The following SUPT16H variants were observed in gnomAD, a reference collection of about 807,000 sequenced individuals.
SUPT16H encodes the protein FACT complex subunit SPT16.
A neutral mutation model predicts 136.2 loss-of-function variants in SUPT16H; 24 were observed. The observed-to-expected ratio is 0.18, with a 90% CI of 0.13 to 0.25. The LOEUF is 0.25. Ranked by LOEUF, SUPT16H falls within the 10% of genes least tolerant of loss-of-function variation. The probability of loss-of-function intolerance (pLI) is 1.00; values close to 1 mark genes in which losing one functional copy is unlikely to be tolerated. For missense variants in SUPT16H, 623 were observed against 1,270.2 expected, an observed-to-expected ratio of 0.49 and a Z score of 7.74; for synonymous variants, 415 against 428.2, an observed-to-expected ratio of 0.97 and a Z score of 0.38.
At chr14:21,370,238 G>C in intron 4 of SUPT16H, 98 bp downstream of exon 4, 1 of 1,431,498 alleles carries the variant, frequency 7.0e-7, no homozygotes, top group Middle Eastern at 2.6e-4. Context: ...CAAACATACA[G>C]TTTTCCCAAA....
In SUPT16H at chr14:21,373,364, C is replaced by T; in HGVS notation, c.133G>A (p.Val45Ile). Residue 45 changes from valine (V) to isoleucine (I), a missense_variant, in exon 2 of 26, where the codon GTT becomes ATT. By Grantham distance (29) the Val-to-Ile change is conservative (BLOSUM62 3). Transcript: ENST00000216297. ...TGTAAGGCAGTTGATTTGGCATAAA[C>T]AATTTCTTCATCAACACCCACTGAT... ...VVSVGVDEEI[V>I]YAKSTALQTW... 6.2e-7 allele frequency: 1 copy of T among 1,614,098 alleles called. No individual in the cohort carries two copies. The highest frequency in any genetic ancestry group is 8.5e-7 in the Non-Finnish European group (1 of 1,179,950).
rs1886341338 is a variant in SUPT16H at position 21,352,707 on chromosome 14, T to C, written c.3110A>G (p.His1037Arg). Residue 1037 changes from histidine (H) to arginine (R), a missense_variant, in exon 26 of 26, where the codon CAC becomes CGC. Transcript: ENST00000216297. ...SGRGSNRGSR[H>R]SSAPPKKKRK The stretch of plus-strand genomic sequence containing the variant: ...CTTTTTCTTGGGGGGTGCAGAGCTG[T>C]GTCTGGAACCACGGTTAGAGCCACG... 1 of 1,614,168 alleles carries C rather than the reference T, an allele frequency of 6.2e-7. No homozygotes were observed. Among genetic ancestry groups the C allele is most frequent in the Non-Finnish European group, 8.5e-7 (1 of 1,180,012 alleles).
At chr14:21,366,338 A>G (rs1346254531) in intron 8 of SUPT16H, 101 bp downstream of exon 8, 2 of 1,093,998 alleles carry the variant, frequency 1.8e-6, no homozygotes, top group East Asian at 4.7e-5. Flanking sequence ...CTAGTCCATA[A>G]ATGTTGGCTG....
chr14:21,359,889 T>C (rs1243076460), intron 18 of SUPT16H, among the ~76,000 whole-genome samples: 9 of 152,226 alleles, frequency 5.9e-5, no homozygotes, highest in Non-Finnish European at 1.3e-4. Flanking sequence ...AGATCTCGTA[T>C]AAAACATTTG....
rs886212637 is a variant in SUPT16H, at chr14:21,368,211, C to T, written c.955+58G>A. 24 of 1,549,596 alleles carry T rather than the reference C, an allele frequency of 1.5e-5. No individual in the cohort carries two copies. The African/African-American group carries it at 2.9e-4, about 18-fold the overall frequency. On this transcript the variant is annotated intron_variant, in intron 7 of 25. Transcript: ENST00000216297. The stretch of plus-strand genomic sequence containing the variant: ...GGATTACAGGTGTGACCCACAGCTC[C>T]CGGCCAATGACATTTTTGTTACACA...
chr14:21,367,393 G>T (rs1304071733), intron 7 of SUPT16H, among the ~76,000 whole-genome samples: 1 of 152,166 alleles, frequency 6.6e-6, no homozygotes, highest in South Asian at 2.1e-4. Flanking sequence ...CACTAAATGG[G>T]TGAATTATTG....
In SUPT16H at chr14:21,362,780, C is replaced by G. The variant is rs754107831; in HGVS notation, c.1665+14G>C. 5.0e-6 allele frequency: 8 copies of G among 1,589,784 alleles called. No individual in the cohort carries two copies. The East Asian group carries it at 1.8e-4, about 35-fold the overall frequency. ...AACAGTTTGGATGAAACCTGATGCA[C>G]TGAATGTCAGTACCTTGATTGTGGC... On this transcript the variant is annotated intron_variant, in intron 14 of 25. Coordinates refer to ENST00000216297, the MANE Select transcript of SUPT16H (RefSeq NM_007192.4).
chr14:21,375,431 T>C (rs1015032908), intron 1 of SUPT16H, among the ~76,000 whole-genome samples: 2 of 152,216 alleles, frequency 1.3e-5, no homozygotes, highest in Non-Finnish European at 2.9e-5. Context: ...CTCTGCCATT[T>C]TGTAGCTGAG....
intron 8 of SUPT16H, among the ~76,000 whole-genome samples, chr14:21,366,234 T>G (rs536593572): frequency 6.6e-6 from 1 of 152,358 alleles, no homozygotes; most frequent in East Asian, 1.9e-4. Context: ...AACACCACAC[T>G]GGTCTAGAAA....
chr14:21,368,525 A>G (rs1383588362), intron 6 of SUPT16H, 84 bp from the exon 7 acceptor site: 5 of 1,393,964 alleles, frequency 3.6e-6, no homozygotes, highest in Non-Finnish European at 2.9e-6. Flanking sequence ...ATCAATAATC[A>G]TTACTTTTCC....
chr14:21,363,956 C>T (rs186854441), intron 10 of SUPT16H, among the ~76,000 whole-genome samples: 4 of 152,208 alleles, frequency 2.6e-5, no homozygotes, highest in African/African-American at 7.2e-5. Context: ...TAGGATTACA[C>T]GCGTGAGCCA....
chr14:21,360,127 A>G (rs964679941), intron 18 of SUPT16H, among the ~76,000 whole-genome samples: 2 of 152,104 alleles, frequency 1.3e-5, no homozygotes, highest in African/African-American at 4.8e-5. Context: ...TCCCAGGTTC[A>G]AGCAATTTTC....
intron 1 of SUPT16H, among the ~76,000 whole-genome samples, chr14:21,378,057 G>C (rs1209191422): frequency 2.0e-5 from 3 of 152,148 alleles, no homozygotes; most frequent in African/African-American, 7.2e-5. Flanking sequence ...CTATACAGAT[G>C]GAGCAGGATA....
At chr14:21,376,627 G>C (rs1197714610) in intron 1 of SUPT16H, among the ~76,000 whole-genome samples, 1 of 152,018 alleles carries the variant, frequency 6.6e-6, no homozygotes, top group Non-Finnish European at 1.5e-5. Context: ...AAATAGTAAT[G>C]GCACTTAAAA....
chr14:21,371,830 G>A, intron 3 of SUPT16H, 44 bp downstream of exon 3: 2 of 1,604,902 alleles, frequency 1.2e-6, no homozygotes, highest in Non-Finnish European at 1.7e-6. Context: ...CATCCCTTTT[G>A]AAGATTCTTC....
chr14:21,381,590 G>A (rs886585589), intron 1 of SUPT16H, among the ~76,000 whole-genome samples: 2 of 148,488 alleles, frequency 1.3e-5, no homozygotes, highest in East Asian at 4.0e-4. Context: ...GAAGCTGAAA[G>A]CAAAAGGCTT....
chr14:21,355,952 C>T (rs1886424325), intron 22 of SUPT16H, among the ~76,000 whole-genome samples: 2 of 152,192 alleles, frequency 1.3e-5, no homozygotes, highest in Non-Finnish European at 2.9e-5. Flanking sequence ...AGTTTTCAGA[C>T]ATTGGATAAA....
chr14:21,361,025 A>G (rs1886539779), intron 16 of SUPT16H, 53 bp from the exon 17 acceptor site: 3 of 1,610,878 alleles, frequency 1.9e-6, no homozygotes, highest in Admixed American at 3.4e-5. Flanking sequence ...CAAGTCTCCA[A>G]AAAATACATG....
intron 18 of SUPT16H, among the ~76,000 whole-genome samples, 159 bp downstream of exon 18, chr14:21,360,256 G>C (rs970884330): frequency 6.6e-6 from 1 of 152,030 alleles, no homozygotes; most frequent in Admixed American, 6.6e-5. Flanking sequence ...TCGAACTCCC[G>C]ACCTCAGGTG....
Sources: allele counts gnomAD v4.1 joint callset (sites outside exome capture counted in the v4.1 genomes callset), GRCh38; gene constraint gnomAD v4.1.1; transcripts MANE v1.5; gene names NCBI Gene and HGNC (gene_info 2026-07-23, HGNC 2026-07-21).